NRXN3: variants seen among roughly 807,000 people sequenced by gnomAD.
The protein encoded by NRXN3 is neurexin III.
In NRXN3, 32 loss-of-function variants were observed where a neutral mutation model predicts 137.6. The observed-to-expected ratio is 0.23, with a 90% CI of 0.18 to 0.31. NRXN3 has a LOEUF of 0.31. NRXN3 is among the 10% of genes least tolerant of loss of function. The pLI, the probability that NRXN3 is intolerant of heterozygous loss-of-function variation, is 1.00. For missense variants in NRXN3, 1,574 were observed against 2,062.5 expected, an observed-to-expected ratio of 0.76 and a Z score of 4.59; for synonymous variants, 798 against 784.5, an observed-to-expected ratio of 1.02 and a Z score of -0.29.
At chr14:79,555,927 G>A (rs1343621887) in intron 16 of NRXN3, among the ~76,000 whole-genome samples, 1 of 152,122 alleles carries the variant, frequency 6.6e-6, no homozygotes, top group Non-Finnish European at 1.5e-5. Context: ...TATCACCTCT[G>A]TTTTCTGCTG....
chr14:79,406,070 A>T (rs2095305100), intron 15 of NRXN3, among the ~76,000 whole-genome samples: 1 of 152,112 alleles, frequency 6.6e-6, no homozygotes, highest in Admixed American at 6.6e-5. Context: ...GAAAGTACAG[A>T]ATGTTTTGAA....
At chr14:78,333,139 G>T (rs1304853928) in intron 4 of NRXN3, among the ~76,000 whole-genome samples, 1 of 152,160 alleles carries the variant, frequency 6.6e-6, no homozygotes, top group African/African-American at 2.4e-5. Flanking sequence ...CAAACCTAAG[G>T]CAGAACTCTT....
intron 15 of NRXN3, among the ~76,000 whole-genome samples, chr14:79,310,753 A>C (rs1332447181): frequency 2.8e-4 from 34 of 123,294 alleles, no homozygotes; most frequent in Admixed American, 1.2e-3. Flanking sequence ...TTGGTGTATA[A>C]GAATGCTTGT....
intron 4 of NRXN3, among the ~76,000 whole-genome samples, chr14:78,303,563 A>G (rs890775148): frequency 4.6e-5 from 7 of 152,110 alleles, no homozygotes; most frequent in Admixed American, 2.0e-4. Flanking sequence ...TTCTTCTTGT[A>G]TAATTGTCAA....
intron 19 of NRXN3, among the ~76,000 whole-genome samples, chr14:79,718,627 AC>A (rs1437303107): frequency 2.6e-5 from 4 of 152,172 alleles, no homozygotes; most frequent in Non-Finnish European, 4.4e-5. Flanking sequence ...CTACAGGCCC[AC>A]CCAGCTTGAT....
At chr14:79,738,704 G>A (rs1400434283) in intron 19 of NRXN3, among the ~76,000 whole-genome samples, 1 of 152,016 alleles carries the variant, frequency 6.6e-6, no homozygotes, top group Non-Finnish European at 1.5e-5. Context: ...GATTACAGGT[G>A]CTCACCACCA....
At chr14:79,301,278 C>T (rs1472968157) in intron 15 of NRXN3, among the ~76,000 whole-genome samples, 1 of 151,986 alleles carries the variant, frequency 6.6e-6, no homozygotes, top group Non-Finnish European at 1.5e-5. Flanking sequence ...TGAGTGTTTG[C>T]CCTGGCAGCT....
At chr14:78,709,722 C>CT (rs1373343998) in intron 7 of NRXN3, 67 bp downstream of exon 7, 8 of 1,400,128 alleles carry the variant, frequency 5.7e-6, no homozygotes, top group Non-Finnish European at 7.8e-6. Flanking sequence ...TGTTTTTTGG[C>CT]TTTATGTTTC....
chr14:79,146,177 A>G (rs367744595), intron 15 of NRXN3, among the ~76,000 whole-genome samples: 1 of 152,192 alleles, frequency 6.6e-6, no homozygotes, highest in Admixed American at 6.5e-5. Flanking sequence ...AGGAAGTAGG[A>G]TTCAGAGAAA....
intron 15 of NRXN3, among the ~76,000 whole-genome samples, chr14:79,121,319 G>T (rs2055387909): frequency 6.6e-6 from 1 of 152,166 alleles, no homozygotes; most frequent in African/African-American, 2.4e-5. Flanking sequence ...GATGTGATAT[G>T]AATCAAGAAA....
chr14:78,231,932 G>T (rs1000309531), intron 1 of NRXN3, among the ~76,000 whole-genome samples: 5 of 144,738 alleles, frequency 3.5e-5, no homozygotes, highest in Admixed American at 6.8e-5. Flanking sequence ...ATGGGTCTGG[G>T]TCCTGAGCAC....
intron 4 of NRXN3, among the ~76,000 whole-genome samples, chr14:78,534,602 A>G (rs1381170072): frequency 6.6e-6 from 1 of 152,096 alleles, no homozygotes; most frequent in Non-Finnish European, 1.5e-5. Context: ...TTTTTTGCTC[A>G]GAACATTGTT....
intron 15 of NRXN3, among the ~76,000 whole-genome samples, chr14:79,148,238 A>T (rs1262881514): frequency 2.0e-5 from 3 of 152,152 alleles, no homozygotes; most frequent in African/African-American, 7.2e-5. Context: ...CAGAGGGTTC[A>T]TGGTAGCCCA....
intron 15 of NRXN3, among the ~76,000 whole-genome samples, chr14:79,104,681 A>C (rs1276286672): frequency 6.6e-6 from 1 of 152,146 alleles, no homozygotes. Flanking sequence ...TTAGATGGCT[A>C]TTTCTCTCTT....
chr14:78,412,983 A>T (rs1279666690), intron 4 of NRXN3, among the ~76,000 whole-genome samples: 1 of 152,132 alleles, frequency 6.6e-6, no homozygotes, highest in Non-Finnish European at 1.5e-5. Context: ...AAAGTATTTG[A>T]TATGGGAACA....
At chr14:78,373,980 G>A (rs1479233461) in intron 4 of NRXN3, among the ~76,000 whole-genome samples, 1 of 151,328 alleles carries the variant, frequency 6.6e-6, no homozygotes, top group Admixed American at 6.6e-5. Flanking sequence ...AGTGTTAAGT[G>A]AGTTGTTGAC....
chr14:78,270,242 T>C (rs1437912749), intron 2 of NRXN3, among the ~76,000 whole-genome samples: 1 of 152,194 alleles, frequency 6.6e-6, no homozygotes, highest in Non-Finnish European at 1.5e-5. Flanking sequence ...TTTTCCAACA[T>C]AGGAATTGAC....
At chr14:78,682,932 T>G (rs141205304) in intron 6 of NRXN3, among the ~76,000 whole-genome samples, 228 of 152,298 alleles carry the variant, frequency 1.5e-3, no homozygotes, top group African/African-American at 5.3e-3. Flanking sequence ...CTAGCAGAAA[T>G]TTACTAGTGA....
intron 15 of NRXN3, among the ~76,000 whole-genome samples, chr14:79,322,903 A>G (rs1337200408): frequency 1.3e-5 from 2 of 152,252 alleles, no homozygotes; most frequent in Non-Finnish European, 2.9e-5. Context: ...GTAAGAAAAC[A>G]TGAAGACAAA....
Sources: allele counts gnomAD v4.1 joint callset (sites outside exome capture counted in the v4.1 genomes callset), GRCh38; gene constraint gnomAD v4.1.1; transcripts MANE v1.5; gene names NCBI Gene and HGNC (gene_info 2026-07-23, HGNC 2026-07-21).